Variants in NT5C2 observed in about 807,000 individuals in gnomAD.
The protein encoded by NT5C2 is cytosolic purine 5'-nucleotidase.
A neutral mutation model predicts 76.1 loss-of-function variants in NT5C2; 58 were observed. The ratio of observed to expected loss-of-function variants is 0.76; its 90% CI spans 0.62 to 0.95. The LOEUF is 0.95. Ranked by LOEUF, NT5C2 falls within the 40% of genes least tolerant of loss-of-function variation. NT5C2 has a pLI of 0.00. For missense variants in NT5C2, 478 were observed against 690.3 expected (o/e 0.69, Z 3.45); for synonymous variants, 229 against 237.4 (o/e 0.96, Z 0.32).
intron 4 of NT5C2, among the ~76,000 whole-genome samples, chr10:103,124,694 G>A (rs1591123178): frequency 1.3e-5 from 2 of 151,800 alleles, no homozygotes; most frequent in East Asian, 1.9e-4. Flanking sequence ...TGAGACATAG[G>A]TTAAGTAACA....
intron 8 of NT5C2, among the ~76,000 whole-genome samples, chr10:103,100,488 G>C (rs1362454202): frequency 6.6e-6 from 1 of 152,184 alleles, no homozygotes; most frequent in Non-Finnish European, 1.5e-5. Context: ...AAGAGGATAA[G>C]AAGTTAGCCA....
Position 103,173,018 on chromosome 10 carries a change from A to G in NT5C2, c.101+1840T>C, listed in dbSNP as rs187686331. 1.5e-4 allele frequency among the ~76,000 whole-genome samples: 23 copies of G among 152,154 alleles called. No individual in the cohort carries two copies. In the East Asian group the frequency reaches 4.5e-3, roughly 30 times the overall value. On this transcript the variant is annotated intron_variant, in intron 3 of 18. Transcript: ENST00000404739. ...ACGAGACTCTGTCTCAAAACAAAACAAAACAAAATCTGTAGAGTTGGGGTC... is the reference window on the plus strand; with the variant it reads ...ACGAGACTCTGTCTCAAAACAAAACGAAACAAAATCTGTAGAGTTGGGGTC...
At position 103,175,037 on chromosome 10, in the gene NT5C2, ATC is replaced by A; in HGVS notation, c.-24-57_-24-56del. ...TTAATATTGGCATCTGTATACTGAC[ATC>A]TGATTTTTTTAAAAATCAGAAAAAC... On this transcript the variant is annotated intron_variant, in intron 2 of 18. Coordinates refer to ENST00000404739, the MANE Select transcript of NT5C2 (RefSeq NM_001351169.2). The A allele has an allele frequency of 3.0e-6, 3 of 998,430 alleles. No individual in the cohort carries two copies. In the South Asian group the frequency reaches 4.2e-5, roughly 14 times the overall value. The allele number at this position is 998,430 out of a possible 1,614,324, so 61.8% of individuals were successfully genotyped here.
chr10:103,100,092 A>C (rs2069188084), intron 8 of NT5C2, 73 bp from the exon 9 acceptor site: 1 of 992,620 alleles, frequency 1.0e-6, no homozygotes, highest in Non-Finnish European at 1.6e-6. Flanking sequence ...AAAATTTCCC[A>C]GGGGACCCAA....
chr10:103,111,791 G>A, intron 4 of NT5C2: 1 of 1,231,960 alleles, frequency 8.1e-7, no homozygotes, highest in African/African-American at 1.5e-5. Context: ...TCTTGAAGGA[G>A]TTACACTGGC....
intron 4 of NT5C2, among the ~76,000 whole-genome samples, chr10:103,129,362 T>G: frequency 1.5e-5 from 1 of 67,834 alleles, no homozygotes; most frequent in East Asian, 5.0e-4. Context: ...GGGTCAGCTC[T>G]CCGCCCGGCC....
chr10:103,156,429 G>A (rs2083392201), intron 3 of NT5C2, among the ~76,000 whole-genome samples: 1 of 152,176 alleles, frequency 6.6e-6, no homozygotes, highest in Admixed American at 6.5e-5. Context: ...TCCTAATAAT[G>A]GATGTAGTAA....
At position 103,190,000 on chromosome 10, in the gene NT5C2, T is replaced by TC. The variant is rs1185409587; in HGVS notation, c.-169+3235_-169+3236insG. 8.4e-3 allele frequency among the ~76,000 whole-genome samples: 1,171 copies of TC among 138,934 alleles called. 34 individuals carry two copies. The highest frequency in any genetic ancestry group is 0.026 in the African/African-American group (978 of 37,026). 91.1% of individuals were successfully genotyped at this position (138,934 alleles called of 152,430 possible). ...GCCGCATTAATTTTGTGGCTTTCTT[T>TC]TTTTTTTTTTTTTTTTTTGAGACAG... On this transcript the variant is annotated intron_variant, in intron 1 of 18. Coordinates refer to ENST00000404739, the MANE Select transcript of NT5C2 (RefSeq NM_001351169.2).
chr10:103,160,611 G>C (rs1039650342), intron 3 of NT5C2, among the ~76,000 whole-genome samples: 1 of 152,054 alleles, frequency 6.6e-6, no homozygotes, highest in African/African-American at 2.4e-5. Flanking sequence ...CTTCACAAAA[G>C]ATACACAAAT....
chr10:103,098,598 C>A, intron 10 of NT5C2: 1 of 222,288 alleles, frequency 4.5e-6, no homozygotes, highest in Non-Finnish European at 8.8e-6. Flanking sequence ...TGGCATAATG[C>A]ATGTAATCAC....
intron 4 of NT5C2, among the ~76,000 whole-genome samples, chr10:103,116,963 T>C (rs574467341): frequency 5.6e-4 from 86 of 152,262 alleles, no homozygotes; most frequent in African/African-American, 2.1e-3. Flanking sequence ...TTTGGTAAGA[T>C]AGTACTGGTA....
At chr10:103,123,359 G>A (rs1302988935) in intron 4 of NT5C2, among the ~76,000 whole-genome samples, 1 of 152,056 alleles carries the variant, frequency 6.6e-6, no homozygotes, top group Non-Finnish European at 1.5e-5. Context: ...GTAAACATGT[G>A]CTATGGTGGT....
chr10:103,149,328 T>C (rs1430585884), intron 3 of NT5C2, among the ~76,000 whole-genome samples: 1 of 152,200 alleles, frequency 6.6e-6, no homozygotes, highest in Non-Finnish European at 1.5e-5. Flanking sequence ...CCAGCAAAGA[T>C]TTTAAAGCAC....
chr10:103,161,349 T>C (rs945382234), intron 3 of NT5C2, among the ~76,000 whole-genome samples: 2 of 152,208 alleles, frequency 1.3e-5, no homozygotes, highest in Admixed American at 6.5e-5. Context: ...GGCTAATTTA[T>C]GTATTTTCTG....
rs555927385 is a variant in NT5C2 at position 103,105,296 on chromosome 10, A to G, written c.389+410T>C. The G allele has an allele frequency of 8.9e-5, 34 of 382,186 alleles. No homozygotes were observed. In the East Asian group the frequency reaches 4.0e-3, roughly 45 times the overall value. The allele number at this position is 382,186 out of a possible 1,614,324, so 23.7% of individuals were successfully genotyped here. On this transcript the variant is annotated intron_variant, in intron 6 of 18. Transcript: ENST00000404739. ...CTAAAAAACGTATTGGCTATTAAAA[A>G]TCTCTTAATCATTTAAATTGCTATA...
chr10:103,172,087 G>A (rs933971058), intron 3 of NT5C2, among the ~76,000 whole-genome samples: 1 of 151,846 alleles, frequency 6.6e-6, no homozygotes, highest in Non-Finnish European at 1.5e-5. Flanking sequence ...GTGTGTGCCT[G>A]TAATCCCAGC....
At position 103,093,969 on chromosome 10, in the gene NT5C2, T is replaced by TA; in HGVS notation, c.988+2dup. 1 of 1,610,996 alleles carries TA rather than the reference T, an allele frequency of 6.2e-7. No individual in the cohort carries two copies. Among genetic ancestry groups the TA allele is most frequent in the Non-Finnish European group, 8.5e-7 (1 of 1,177,148 alleles). On this transcript the variant is annotated splice_region_variant and intron_variant, in intron 14 of 18. Coordinates refer to ENST00000404739, the MANE Select transcript of NT5C2 (RefSeq NM_001351169.2). ...ATTAAATAAAGGGAAGTCTGTGACT[T>TA]ACCTCCTGAGTAGACGATACCATGC...
At chr10:103,164,943 C>T (rs2134253868) in intron 3 of NT5C2, among the ~76,000 whole-genome samples, 1 of 152,264 alleles carries the variant, frequency 6.6e-6, no homozygotes, top group Non-Finnish European at 1.5e-5. Context: ...AGAGAGAGTG[C>T]TTTAGGATTC....
At chr10:103,118,570 T>C (rs954099790) in intron 4 of NT5C2, among the ~76,000 whole-genome samples, 1 of 152,112 alleles carries the variant, frequency 6.6e-6, no homozygotes, top group Non-Finnish European at 1.5e-5. Flanking sequence ...CTCAGGCTGG[T>C]CCTGGACTCC....
Sources: gnomAD v4.1 joint callset for allele counts (sites outside exome capture counted in the v4.1 genomes callset) on GRCh38, gnomAD v4.1.1 for gene constraint, MANE v1.5 for transcripts, NCBI Gene and HGNC (gene_info 2026-07-23, HGNC 2026-07-21) for gene names.